ADGRG6: variants seen among roughly 807,000 people sequenced by gnomAD.
ADGRG6 encodes adhesion G protein-coupled receptor G6, also known as G-protein coupled receptor 126.
Under a neutral mutation model 142.4 loss-of-function variants are expected in ADGRG6, and 84 were observed. The observed-to-expected ratio is 0.59, with a 90% confidence interval of 0.49 to 0.71. The LOEUF (loss-of-function observed/expected upper bound fraction) is 0.71, where lower values mean the gene tolerates loss of function less well. Among genes scored for constraint, ADGRG6 ranks in the 30% least tolerant of loss-of-function variants. The probability of loss-of-function intolerance (pLI) is 0.00; values close to 1 mark genes in which losing one functional copy is unlikely to be tolerated. For missense variants in ADGRG6, 1,367 were observed against 1,466.6 expected (o/e 0.93, Z 1.11); for synonymous variants, 521 against 520.5 (o/e 1.00, Z -0.01).
At chr6:142,360,460 C>T (rs768297432) in intron 2 of ADGRG6, among the ~76,000 whole-genome samples, 2 of 151,950 alleles carry the variant, frequency 1.3e-5, no homozygotes, top group African/African-American at 2.4e-5. Flanking sequence ...CAACAGAAAT[C>T]GACTAAAACC....
At chr6:142,348,419 A>G (rs35831672) in intron 2 of ADGRG6, among the ~76,000 whole-genome samples, 5,194 of 152,198 alleles carry the variant, frequency 0.034, 111 homozygotes, top group Admixed American at 0.053. Flanking sequence ...GTGTATATTT[A>G]TATTGGTAAA....
intron 6 of ADGRG6, among the ~76,000 whole-genome samples, chr6:142,389,934 T>G (rs1227092156): frequency 6.6e-6 from 1 of 151,768 alleles, no homozygotes; most frequent in African/African-American, 2.4e-5. Flanking sequence ...AAATTGTACA[T>G]GAAAACAGTT....
At chr6:142,368,301 G>T (rs768522894) in intron 3 of ADGRG6, among the ~76,000 whole-genome samples, 2 of 152,138 alleles carry the variant, frequency 1.3e-5, no homozygotes, top group African/African-American at 4.8e-5. Flanking sequence ...AGGAACTATG[G>T]TAGGGAACAA....
Position 142,402,515 on chromosome 6 carries a change from T to G in ADGRG6, c.1745-105T>G, listed in dbSNP as rs565634711. On this transcript the variant is annotated intron_variant, in intron 12 of 24. Coordinates refer to ENST00000367609, the MANE Select transcript of ADGRG6 (RefSeq NM_198569.3). ...GTATACACAGGAAAATCTCACTTTC[T>G]TGCTTCAACTGTAAAGTGAAATATT... The G allele has an allele frequency of 3.3e-5, 21 of 640,632 alleles. No homozygotes were observed. In the Admixed American group the frequency reaches 5.7e-4, roughly 17 times the overall value. 39.7% of individuals were successfully genotyped at this position (640,632 alleles called of 1,614,324 possible).
At chr6:142,350,071 C>T (rs1192904637) in intron 2 of ADGRG6, among the ~76,000 whole-genome samples, 3 of 151,520 alleles carry the variant, frequency 2.0e-5, no homozygotes, top group African/African-American at 7.3e-5. Context: ...ATTGCATAAG[C>T]AAGGTAATTT....
intron 18 of ADGRG6, 44 bp from the exon 19 acceptor site, chr6:142,414,925 A>G (rs773328735): frequency 6.4e-7 from 1 of 1,564,138 alleles, no homozygotes; most frequent in Admixed American, 1.8e-5. Context: ...AACCATTCTC[A>G]TGAGAAGAGA....
rs887726858 is a variant in ADGRG6 at position 142,445,434 on chromosome 6, A to G, written c.*1919A>G. 2 of 152,150 alleles carry G rather than the reference A, an allele frequency of 1.3e-5. No individual in the cohort carries two copies. The highest frequency in any genetic ancestry group is 4.1e-4 in the South Asian group (2 of 4,830). 9.4% of individuals were successfully genotyped at this position (152,150 alleles called of 1,614,324 possible). On this transcript the variant is annotated 3_prime_UTR_variant, in exon 25 of 25. Transcript: ENST00000367609. ...ATTTCCCCCAAAACCTTAGACATTC[A>G]TAGTAGATTTTAATTAGTTAGCTTT...
chr6:142,404,630 C>T (rs936700386), intron 14 of ADGRG6, among the ~76,000 whole-genome samples: 2 of 151,940 alleles, frequency 1.3e-5, no homozygotes, highest in African/African-American at 2.4e-5. Flanking sequence ...GGCGACAGAG[C>T]AAGACTCTGT....
At chr6:142,371,518 A>G (rs560301834) in intron 4 of ADGRG6, among the ~76,000 whole-genome samples, 71 of 112,234 alleles carry the variant, frequency 6.3e-4, no homozygotes, top group African/African-American at 1.9e-3. Context: ...GAGTCTCGCT[A>G]TGCTGCCCAG....
At chr6:142,376,715 A>G (rs1007224158) in intron 4 of ADGRG6, among the ~76,000 whole-genome samples, 11 of 152,302 alleles carry the variant, frequency 7.2e-5, no homozygotes, top group African/African-American at 2.6e-4. Flanking sequence ...AGGACTTTAT[A>G]CTCTGAGGAT....
chr6:142,345,260 CA>C (rs766066608), intron 2 of ADGRG6, among the ~76,000 whole-genome samples: 30 of 151,878 alleles, frequency 2.0e-4, no homozygotes, highest in Non-Finnish European at 3.1e-4. Context: ...CTTTAGTTTT[CA>C]ATTAGGAAAT....
In ADGRG6 at chr6:142,370,196, G is replaced by A; in HGVS notation, c.472G>A (p.Val158Ile). ...RVAVSLRNQK[V>I]ILPQTSDAYQ... Reference sequence around the variant, plus strand: ...TGCCGTGTCCTTAAGGAATCAAAAGGTCATTTTACCCCAGACATCAGATGC... The same window carrying A: ...TGCCGTGTCCTTAAGGAATCAAAAGATCATTTTACCCCAGACATCAGATGC... The change falls in exon 4 of 25, where the codon GTC (valine) becomes ATC (isoleucine). Residue 158 changes from valine (V) to isoleucine (I), a missense_variant. Around this residue, in one of 3 missense-constraint regions of ADGRG6, gnomAD observed 737 missense variants for 746.5 expected, o/e 0.99. Transcript: ENST00000367609. The A allele has an allele frequency of 6.2e-7, 1 of 1,604,122 alleles. No individual in the cohort carries two copies. Among genetic ancestry groups the A allele is most frequent in the Non-Finnish European group, 8.5e-7 (1 of 1,171,774 alleles).
chr6:142,396,197 T>C (rs1037355843), intron 9 of ADGRG6, among the ~76,000 whole-genome samples: 4 of 152,152 alleles, frequency 2.6e-5, no homozygotes, highest in African/African-American at 9.7e-5. Flanking sequence ...CCAACTGGAG[T>C]GGCGAAGCTT....
At chr6:142,417,065 G>T in intron 20 of ADGRG6, 1 of 595,920 alleles carries the variant, frequency 1.7e-6, no homozygotes, top group Non-Finnish European at 3.0e-6. Context: ...TTGGATTGTT[G>T]CCAGTTAGAG....
chr6:142,308,343 T>A (rs1490255324), intron 1 of ADGRG6, among the ~76,000 whole-genome samples: 1 of 151,960 alleles, frequency 6.6e-6, no homozygotes, highest in Non-Finnish European at 1.5e-5. Context: ...ACCAGATCTG[T>A]CTCACTCTAA....
chr6:142,328,422 G>A (rs561121982), intron 2 of ADGRG6, among the ~76,000 whole-genome samples: 3 of 152,020 alleles, frequency 2.0e-5, no homozygotes, highest in South Asian at 4.1e-4. Flanking sequence ...AGCTGGTCTC[G>A]ATCTTATGAG....
rs1373568096 is a variant in ADGRG6, at chr6:142,445,795, C to T, written c.*2280C>T. On this transcript the variant is annotated 3_prime_UTR_variant, in exon 25 of 25. Coordinates refer to ENST00000367609, the MANE Select transcript of ADGRG6 (RefSeq NM_198569.3). ...GGAGCCTAAATTTAGTTCAGCTTACCTTTGAGAATAGCATCAATTCAGACT... is the reference window on the plus strand; with the variant it reads ...GGAGCCTAAATTTAGTTCAGCTTACTTTTGAGAATAGCATCAATTCAGACT... 6.6e-6 allele frequency: 1 copy of T among 152,056 alleles called. No homozygotes were observed. Among genetic ancestry groups the T allele is most frequent in the Non-Finnish European group, 1.5e-5 (1 of 68,006 alleles). 9.4% of individuals were successfully genotyped at this position (152,056 alleles called of 1,614,324 possible). A position where few individuals can be genotyped will look rare whatever the true frequency, so the allele number is the denominator to read the frequency against.
intron 6 of ADGRG6, among the ~76,000 whole-genome samples, chr6:142,388,939 G>C (rs1053365698): frequency 6.6e-6 from 1 of 151,918 alleles, no homozygotes; most frequent in Non-Finnish European, 1.5e-5. Context: ...CAGTGTAAAA[G>C]TTATCTTTAT....
At chr6:142,390,761 G>A (rs562706528) in intron 7 of ADGRG6, among the ~76,000 whole-genome samples, 126 of 151,788 alleles carry the variant, frequency 8.3e-4, no homozygotes, top group Non-Finnish European at 1.7e-3. Context: ...TCATCTGCAT[G>A]GAACCAACCC....
Sources: gnomAD v4.1 joint callset for allele counts (sites outside exome capture counted in the v4.1 genomes callset) on GRCh38, gnomAD v4.1.1 for gene constraint, gnomAD v4.1.1 regional missense constraint, MANE v1.5 for transcripts, NCBI Gene and HGNC (gene_info 2026-07-23, HGNC 2026-07-21) for gene names.